The following SLCO4A1 variants were observed in gnomAD, a reference collection of about 807,000 sequenced individuals.
SLCO4A1 encodes the protein solute carrier organic anion transporter family member 4A1.
A neutral mutation model predicts 64.6 loss-of-function variants in SLCO4A1; 51 were observed. That is an observed-to-expected ratio of 0.79 (90% CI 0.63 to 1.00). The LOEUF is 1.00. Ranked by LOEUF, SLCO4A1 falls within the 50% of genes least tolerant of loss-of-function variation. The pLI, the probability that SLCO4A1 is intolerant of heterozygous loss-of-function variation, is 0.00. For synonymous variants in SLCO4A1, 471 were observed against 444.9 expected, an observed-to-expected ratio of 1.06 and a Z score of -0.74; for missense variants, 919 against 980.5, an observed-to-expected ratio of 0.94 and a Z score of 0.84.
Position 62,660,534 on chromosome 20 carries a change from G to A in SLCO4A1, c.1009+1G>A, listed in dbSNP as rs779521513. 2 of 1,604,618 alleles carry A rather than the reference G, an allele frequency of 1.2e-6. No homozygotes were observed. Among genetic ancestry groups the A allele is most frequent in the East Asian group, 4.5e-5 (2 of 44,880 alleles). ...CTTGGTTACCCTCGGCAGCTGCCAG[G>A]TGGGTTTCCCTTCCCCAGCCCAGCC... On this transcript the variant is annotated splice_donor_variant, in intron 4 of 11. Transcript: ENST00000217159. LOFTEE classifies it high-confidence loss of function.
Position 62,685,348 on chromosome 20 carries a change from G to C in SLCO4A1, n.212-93G>C. 3.1e-6 allele frequency: 2 copies of C among 647,590 alleles called. No individual in the cohort carries two copies. The highest frequency in any genetic ancestry group is 2.0e-5 in the African/African-American group (1 of 50,714). The allele number at this position is 647,590 out of a possible 1,614,324, so 40.1% of individuals were successfully genotyped here. A position where few individuals can be genotyped will look rare whatever the true frequency, so the allele number is the denominator to read the frequency against. On this transcript the variant is annotated intron_variant and non_coding_transcript_variant, in intron 2 of 2. Coordinates refer to the SLCO4A1 transcript ENST00000466818. The surrounding 1 kb of genome is among the most constrained non-coding windows in gnomAD (Gnocchi z 4.6). ...CCAGCTGGTCGGTGCCCAAGGGTGG[G>C]TTCGTGGGGCAACTGCACCCGCTCC...
In SLCO4A1 at chr20:62,645,554, T is replaced by G. The variant is rs1272842704; in HGVS notation, c.-97+3001T>G. On this transcript the variant is annotated intron_variant, in intron 1 of 11. Coordinates refer to ENST00000217159, the MANE Select transcript of SLCO4A1 (RefSeq NM_016354.4). This position sits in a 1 kb window ranked among gnomAD's most constrained non-coding sequence, Gnocchi z 4.2. ...CCCTCAGTCCTCAGACACTGGGGTC[T>G]CCGGCTGTCTCCAACCCTTCAGTTC... Among the ~76,000 whole-genome samples the G allele has an allele frequency of 6.6e-6, 1 of 151,020 alleles. No individual in the cohort carries two copies. Among genetic ancestry groups the G allele is most frequent in the East Asian group, 2.0e-4 (1 of 5,032 alleles).
chr20:62,675,265 C>T (rs1234956020), downstream of SLCO4A1, among the ~76,000 whole-genome samples: 1 of 152,168 alleles, frequency 6.6e-6, no homozygotes, highest in Non-Finnish European at 1.5e-5. Context: ...TCCCTGCCGG[C>T]AGTGAGACTT....
downstream of SLCO4A1, among the ~76,000 whole-genome samples, chr20:62,687,272 C>A (rs1988098832): frequency 6.6e-6 from 1 of 150,980 alleles, no homozygotes; most frequent in Non-Finnish European, 1.5e-5. Flanking sequence ...CCACGTTGTT[C>A]CAAAGGTCCA....
chr20:62,685,404 G>A lies in SLCO4A1; in HGVS notation n.212-37G>A. The A allele has an allele frequency of 1.0e-6, 1 of 981,900 alleles. No homozygotes were observed. 60.8% of individuals were successfully genotyped at this position (981,900 alleles called of 1,614,324 possible). A position where few individuals can be genotyped will look rare whatever the true frequency, so the allele number is the denominator to read the frequency against. On this transcript the variant is annotated intron_variant and non_coding_transcript_variant, in intron 2 of 2. Transcript: ENST00000466818. This position sits in a 1 kb window ranked among gnomAD's most constrained non-coding sequence, Gnocchi z 4.6. ...ACTCTGCTGTGGCCTGACCAAGCGG[G>A]CTGTTTTCTTGCTTTGTTTGTTGTT...
At chr20:62,649,793 C>T (rs1982114997) in intron 1 of SLCO4A1, 1 of 152,428 alleles carries the variant, frequency 6.6e-6, no homozygotes, top group Non-Finnish European at 1.5e-5. Flanking sequence ...TCTGCAGACT[C>T]CTCATTTGCA....
intron 1 of SLCO4A1, among the ~76,000 whole-genome samples, chr20:62,653,579 C>G (rs528251025): frequency 6.6e-6 from 1 of 152,332 alleles, no homozygotes; most frequent in Admixed American, 6.5e-5. Context: ...TGGCGGATCA[C>G]CGGCTGCGCC....
chr20:62,682,282 T>G (rs1227765733), intron 2 of SLCO4A1, among the ~76,000 whole-genome samples: 1 of 152,204 alleles, frequency 6.6e-6, no homozygotes, highest in Non-Finnish European at 1.5e-5. Flanking sequence ...GGGACAAGAC[T>G]CTGGGCTTGA....
At chr20:62,677,977 G>A (rs1987669718) in intron 2 of SLCO4A1, among the ~76,000 whole-genome samples, 1 of 152,258 alleles carries the variant, frequency 6.6e-6, no homozygotes, top group African/African-American at 2.4e-5. Context: ...TGCAGATTTG[G>A]GAAGGAAAGA....
At chr20:62,658,379 T>C (rs1422465508) in intron 2 of SLCO4A1, among the ~76,000 whole-genome samples, 1 of 152,250 alleles carries the variant, frequency 6.6e-6, no homozygotes, top group East Asian at 1.9e-4. Flanking sequence ...TTCCTGCCAG[T>C]GTCCATCTGT....
At chr20:62,680,870 A>G (rs1285055892) in intron 2 of SLCO4A1, among the ~76,000 whole-genome samples, 2 of 152,080 alleles carry the variant, frequency 1.3e-5, no homozygotes, top group African/African-American at 4.8e-5. Context: ...TATATGGGTA[A>G]TGCTGGCTTC....
In SLCO4A1 at chr20:62,650,134, G is replaced by A. The variant is rs1189098317; in HGVS notation, c.-96-6225G>A. 1.3e-5 allele frequency: 2 copies of A among 152,218 alleles called. 1 individual carries two copies. The highest frequency in any genetic ancestry group is 2.9e-5 in the Non-Finnish European group (2 of 68,050). 9.4% of individuals were successfully genotyped at this position (152,218 alleles called of 1,614,324 possible). On this transcript the variant is annotated intron_variant, in intron 1 of 11. Coordinates refer to ENST00000217159, the MANE Select transcript of SLCO4A1 (RefSeq NM_016354.4). ...GGTGTGGCTCTGGGATGAGGATGAGGCTCCATCCTTCACTGTTACAGGGAC... is the reference window on the plus strand; with the variant it reads ...GGTGTGGCTCTGGGATGAGGATGAGACTCCATCCTTCACTGTTACAGGGAC...
intron 1 of SLCO4A1, among the ~76,000 whole-genome samples, chr20:62,648,579 A>G (rs183246136): frequency 6.6e-6 from 1 of 152,326 alleles, no homozygotes; most frequent in East Asian, 1.9e-4. Context: ...CAGGAGTACA[A>G]GGCCATGGGA....
Position 62,661,041 on chromosome 20 carries a change from C to CCAGCCCT in SLCO4A1, c.1010-23_1010-22insCAGCCCT, listed in dbSNP as rs58039100. ...TCCGGGAGCCCCCAGCCCCCAGCCC[C>CCAGCCCT]AGCTCACTCTGTGCCCTTCCAGGCT... On this transcript the variant is annotated intron_variant, in intron 4 of 11. Transcript: ENST00000217159. The surrounding 1 kb of genome is among the most constrained non-coding windows in gnomAD (Gnocchi z 5.2). The CCAGCCCT allele has an allele frequency of 2.1e-6, 3 of 1,424,142 alleles. No individual in the cohort carries two copies. The highest frequency in any genetic ancestry group is 3.0e-6 in the Non-Finnish European group (3 of 1,010,140). The allele number at this position is 1,424,142 out of a possible 1,614,324, so 88.2% of individuals were successfully genotyped here.
intron 1 of SLCO4A1, among the ~76,000 whole-genome samples, chr20:62,646,214 G>T (rs537533025): frequency 5.5e-5 from 8 of 145,966 alleles, no homozygotes; most frequent in Non-Finnish European, 9.1e-5. Context: ...CCCACCACCC[G>T]CCCTGCCTCC....
chr20:62,656,485 C>A lies in SLCO4A1; in HGVS notation c.31C>A (p.Leu11Ile). 1 of 1,522,236 alleles carries A rather than the reference C, an allele frequency of 6.6e-7. No homozygotes were observed. Among genetic ancestry groups the A allele is most frequent in the Non-Finnish European group, 8.8e-7 (1 of 1,135,214 alleles). The allele number at this position is 1,522,236 out of a possible 1,614,324, so 94.3% of individuals were successfully genotyped here. A position where few individuals can be genotyped will look rare whatever the true frequency, so the allele number is the denominator to read the frequency against. The change falls in exon 2 of 12, where the codon CTC (leucine) becomes ATC (isoleucine). Residue 11 changes from leucine (L) to isoleucine (I), a missense_variant. Leu to Ile is a conservative substitution (Grantham distance 5, BLOSUM62 2). Coordinates refer to ENST00000217159, the MANE Select transcript of SLCO4A1 (RefSeq NM_016354.4). MPLHQLGDKP[L>I]TFPSPNSAME... ...CCTGCATCAGCTGGGGGACAAGCCG[C>A]TCACCTTCCCCAGCCCCAACTCAGC...
chr20:62,668,147 T>G lies in SLCO4A1; in HGVS notation c.1774T>G (p.Phe592Val). The change falls in exon 9 of 12, where the codon TTC (phenylalanine) becomes GTC (valine). Residue 592 changes from phenylalanine to valine, a missense_variant. Transcript: ENST00000217159. The stretch of plus-strand genomic sequence containing the variant: ...CATATTCGTTGTAATTTTCTTTACA[T>G]TCCTCAGCAGCATTCCTGCACTAAC... The part of the protein sequence containing the change: ...VFIFVVIFFT[F>V]LSSIPALTAT... 1 of 1,614,038 alleles carries G rather than the reference T, an allele frequency of 6.2e-7. No individual in the cohort carries two copies. The highest frequency in any genetic ancestry group is 2.2e-5 in the East Asian group (1 of 44,892).
rs2147085629 is a variant in SLCO4A1, at chr20:62,661,031, C to CCCCCAGA, written c.1010-27_1010-26insACCCCAG. ...GAAGTCCACCTCCGGGAGCCCCCAG[C>CCCCCAGA]CCCCAGCCCCAGCTCACTCTGTGCC... On this transcript the variant is annotated intron_variant, in intron 4 of 11. Transcript: ENST00000217159. The surrounding 1 kb of genome is among the most constrained non-coding windows in gnomAD (Gnocchi z 5.2). The CCCCCAGA allele has an allele frequency of 3.2e-6, 3 of 944,602 alleles. No individual in the cohort carries two copies. The South Asian group carries it at 4.0e-5, about 12-fold the overall frequency. The allele number at this position is 944,602 out of a possible 1,614,324, so 58.5% of individuals were successfully genotyped here.
At chr20:62,677,773 C>T (rs990821848) in intron 2 of SLCO4A1, among the ~76,000 whole-genome samples, 11 of 152,244 alleles carry the variant, frequency 7.2e-5, no homozygotes, top group African/African-American at 1.2e-4. Flanking sequence ...CTTCTGGGAA[C>T]GCTCAACTTG....
Sources: allele counts gnomAD v4.1 joint callset (sites outside exome capture counted in the v4.1 genomes callset), GRCh38; gene constraint gnomAD v4.1.1; non-coding constraint Gnocchi (gnomAD v3.1); transcripts MANE v1.5; gene names NCBI Gene and HGNC (gene_info 2026-07-23, HGNC 2026-07-21).